STXBP6: variants seen among roughly 807,000 people sequenced by gnomAD.
STXBP6 encodes syntaxin binding protein 6.
STXBP6 carries 21 observed loss-of-function variants against 26.9 expected under a neutral mutation model. The observed-to-expected ratio is 0.78, with a 90% CI of 0.55 to 1.12. The LOEUF (loss-of-function observed/expected upper bound fraction) is 1.12, where lower values mean the gene tolerates loss of function less well. Among genes scored for constraint, STXBP6 ranks in the 50% most tolerant of loss-of-function variants. STXBP6 has a pLI of 0.00. For synonymous variants in STXBP6, 97 were observed against 92.6 expected, an observed-to-expected ratio of 1.05 and a Z score of -0.27; for missense variants, 232 against 257.9, an observed-to-expected ratio of 0.90 and a Z score of 0.69.
chr14:24,816,006 T>C (rs1228951709), intron 5 of STXBP6: 1 of 152,232 alleles, frequency 6.6e-6, no homozygotes, highest in Admixed American at 6.5e-5. Flanking sequence ...AAGTGATCCA[T>C]TGACTCTTGC....
At chr14:24,890,837 C>T (rs1466204347) in intron 2 of STXBP6, among the ~76,000 whole-genome samples, 2 of 152,198 alleles carry the variant, frequency 1.3e-5, no homozygotes, top group East Asian at 1.9e-4. Context: ...GAGATAGGCA[C>T]AAACTCCCAG....
chr14:25,030,242 G>T (rs1008585108), intron 1 of STXBP6, among the ~76,000 whole-genome samples: 10 of 152,170 alleles, frequency 6.6e-5, no homozygotes, highest in African/African-American at 2.4e-4. Context: ...CCAAAGTCTG[G>T]TCTTCCATGC....
At chr14:24,900,542 C>T (rs930518834) in intron 2 of STXBP6, among the ~76,000 whole-genome samples, 5 of 152,220 alleles carry the variant, frequency 3.3e-5, no homozygotes, top group African/African-American at 1.2e-4. Flanking sequence ...GGAGTCAGAT[C>T]TCTGTTGGGA....
intron 1 of STXBP6, among the ~76,000 whole-genome samples, chr14:25,024,986 C>T (rs567602617): frequency 1.3e-5 from 2 of 152,206 alleles, no homozygotes; most frequent in African/African-American, 4.8e-5. Flanking sequence ...CCATATTATA[C>T]CTAATTATTG....
intron 4 of STXBP6, among the ~76,000 whole-genome samples, chr14:24,822,036 C>A (rs1291384099): frequency 6.6e-6 from 1 of 152,120 alleles, no homozygotes; most frequent in African/African-American, 2.4e-5. Context: ...ATAACCAAAT[C>A]CTTATCTTTC....
At chr14:24,893,541 T>C (rs767451722) in intron 2 of STXBP6, among the ~76,000 whole-genome samples, 1 of 152,150 alleles carries the variant, frequency 6.6e-6, no homozygotes, top group Non-Finnish European at 1.5e-5. Flanking sequence ...TAACAGGCAA[T>C]ATATATAAAA....
intron 2 of STXBP6, among the ~76,000 whole-genome samples, chr14:24,924,768 T>C (rs1281575386): frequency 6.6e-6 from 1 of 152,174 alleles, no homozygotes; most frequent in Non-Finnish European, 1.5e-5. Flanking sequence ...GGGGGACCCA[T>C]ACAGGGTCAT....
intron 1 of STXBP6, among the ~76,000 whole-genome samples, chr14:24,990,516 G>A (rs145501895): frequency 1.7e-3 from 259 of 152,060 alleles, no homozygotes; most frequent in South Asian, 7.7e-3. Context: ...AAATTAGCCG[G>A]GCGTGATGGT....
intron 1 of STXBP6, among the ~76,000 whole-genome samples, chr14:25,014,320 C>G (rs540482492): frequency 2.0e-4 from 30 of 152,202 alleles, no homozygotes; most frequent in Non-Finnish European, 3.7e-4. Context: ...CATGGTGTAA[C>G]CCCTTCTCTA....
intron 2 of STXBP6, among the ~76,000 whole-genome samples, chr14:24,860,142 T>C (rs982410352): frequency 6.6e-6 from 1 of 152,202 alleles, no homozygotes; most frequent in African/African-American, 2.4e-5. Context: ...TCTAAAGAGC[T>C]CTTTTTAAAA....
chr14:24,992,348 G>A (rs2074495157), intron 1 of STXBP6, among the ~76,000 whole-genome samples: 1 of 151,888 alleles, frequency 6.6e-6, no homozygotes, highest in African/African-American at 2.4e-5. Flanking sequence ...GACCAATGCT[G>A]CAAAGGCACA....
intron 2 of STXBP6, among the ~76,000 whole-genome samples, chr14:24,936,894 A>G (rs1045346639): frequency 3.3e-5 from 5 of 152,220 alleles, no homozygotes; most frequent in African/African-American, 1.2e-4. Context: ...CAACCCAAAT[A>G]TCCATCAATG....
chr14:24,842,788 GA>G (rs1207012591), intron 4 of STXBP6, among the ~76,000 whole-genome samples: 2 of 149,986 alleles, frequency 1.3e-5, no homozygotes, highest in Non-Finnish European at 3.0e-5. Context: ...TTTTTAACAG[GA>G]AAAAAAAGGG....
intron 3 of STXBP6, 83 bp from the exon 4 acceptor site, chr14:24,856,184 G>C (rs1439541749): frequency 7.5e-7 from 1 of 1,340,718 alleles, no homozygotes; most frequent in African/African-American, 1.5e-5. Flanking sequence ...AGATTTATAA[G>C]GGCTAAAACA....
chr14:25,026,204 C>T (rs2075346783), intron 1 of STXBP6, among the ~76,000 whole-genome samples: 2 of 152,156 alleles, frequency 1.3e-5, no homozygotes, highest in South Asian at 2.1e-4. Context: ...GCCCAACCTA[C>T]AGCAGTCAGT....
chr14:24,840,377 T>C (rs2068750517), intron 4 of STXBP6, among the ~76,000 whole-genome samples: 1 of 152,204 alleles, frequency 6.6e-6, no homozygotes, highest in South Asian at 2.1e-4. Context: ...ACAGGATTGC[T>C]TGGAATTCAG....
intron 2 of STXBP6, among the ~76,000 whole-genome samples, chr14:24,918,445 A>ACC (rs1426041545): frequency 8.2e-6 from 1 of 121,856 alleles, no homozygotes; most frequent in Admixed American, 9.2e-5. Flanking sequence ...TAAAAACCAC[A>ACC]CCCCCACCAC....
intron 1 of STXBP6, among the ~76,000 whole-genome samples, chr14:25,034,708 G>A (rs1210776919): frequency 6.6e-6 from 1 of 152,140 alleles, no homozygotes; most frequent in Non-Finnish European, 1.5e-5. Flanking sequence ...AGAGTTGAAA[G>A]AATCCACAAA....
intron 2 of STXBP6, among the ~76,000 whole-genome samples, chr14:24,968,588 G>C (rs1436301670): frequency 1.3e-5 from 2 of 152,026 alleles, no homozygotes; most frequent in African/African-American, 4.8e-5. Context: ...TGTAAGTGTT[G>C]ATATTAACTA....
Sources: allele counts gnomAD v4.1 joint callset (sites outside exome capture counted in the v4.1 genomes callset), GRCh38; gene constraint gnomAD v4.1.1; transcripts MANE v1.5; gene names NCBI Gene and HGNC (gene_info 2026-07-23, HGNC 2026-07-21).